TMEM272: variants seen among roughly 807,000 people sequenced by gnomAD.
The protein encoded by TMEM272 is transmembrane protein 272.
A neutral mutation model predicts 3.7 loss-of-function variants in TMEM272; 8 were observed. The ratio of observed to expected loss-of-function variants is 2.17; its 90% confidence interval spans 1.27 to 3.91. TMEM272 has a LOEUF of 3.91. Among genes scored for constraint, TMEM272 ranks in the 30% most tolerant of loss-of-function variants. The pLI is 0.00. For missense variants in TMEM272, 166 were observed against 91.5 expected (o/e 1.81, Z -3.32); for synonymous variants, 63 against 39.8 (o/e 1.58, Z -2.20).
intron 2 of TMEM272, among the ~76,000 whole-genome samples, chr13:51,835,021 A>T (rs553944798): frequency 4.6e-5 from 7 of 152,086 alleles, no homozygotes; most frequent in Admixed American, 3.3e-4. Flanking sequence ...GAGCTCCAGA[A>T]AGCTCCCCCA....
At chr13:51,851,397 G>GGAAGAAGAAGAAGAA in the TMEM272 span, among the ~76,000 whole-genome samples, 4 of 141,546 alleles carry the variant, frequency 2.8e-5, no homozygotes, top group African/African-American at 1.0e-4. Context: ...AGGAGGAGGA[G>GGAAGAAGAAGAAGAA]GAAGAAGAAG....
intron 2 of TMEM272, among the ~76,000 whole-genome samples, chr13:51,833,968 T>C (rs1956194070): frequency 6.6e-6 from 1 of 151,904 alleles, no homozygotes; most frequent in Admixed American, 6.6e-5. Flanking sequence ...GGTGGAACCT[T>C]GGGTTGGTGG....
chr13:51,890,428 G>C, the TMEM272 span, among the ~76,000 whole-genome samples: 683 of 152,082 alleles, frequency 4.5e-3, 4 homozygotes, highest in Non-Finnish European at 5.7e-3. Context: ...TTCCTCTCTT[G>C]CCATGTGATC....
intron 2 of TMEM272, among the ~76,000 whole-genome samples, chr13:51,833,263 G>A (rs1956187838): frequency 6.6e-6 from 1 of 152,196 alleles, no homozygotes; most frequent in South Asian, 2.1e-4. Context: ...AAACTAGATA[G>A]TCAGAAGAGA....
At chr13:51,833,375 A>G (rs1956188591) in intron 2 of TMEM272, among the ~76,000 whole-genome samples, 1 of 152,150 alleles carries the variant, frequency 6.6e-6, no homozygotes, top group African/African-American at 2.4e-5. Flanking sequence ...ATCATCAATA[A>G]TATCATCAAA....
At chr13:51,909,488 G>C in the TMEM272 span, 10 of 941,738 alleles carry the variant, frequency 1.1e-5, no homozygotes, top group South Asian at 1.2e-4. Context: ...ACTTTCTGTT[G>C]AAGTTTCTGA....
chr13:51,822,415 T>C (rs1956087662), intron 3 of TMEM272, among the ~76,000 whole-genome samples: 1 of 152,208 alleles, frequency 6.6e-6, no homozygotes, highest in Non-Finnish European at 1.5e-5. Context: ...TAACTGGCTA[T>C]GGGTTGCACT....
the TMEM272 span, among the ~76,000 whole-genome samples, chr13:51,872,172 GC>G: frequency 1.3e-5 from 2 of 152,162 alleles, no homozygotes; most frequent in African/African-American, 4.8e-5. Flanking sequence ...GGAGAAAGAA[GC>G]TTCTAAAAGA....
chr13:51,911,234 T>C, the TMEM272 span, among the ~76,000 whole-genome samples: 5 of 152,218 alleles, frequency 3.3e-5, no homozygotes, highest in African/African-American at 7.2e-5. Flanking sequence ...CATTACGTCA[T>C]TGAAGAGAGA....
At chr13:51,907,181 C>A in the TMEM272 span, among the ~76,000 whole-genome samples, 1 of 152,152 alleles carries the variant, frequency 6.6e-6, no homozygotes, top group Non-Finnish European at 1.5e-5. Flanking sequence ...CTGTCTTGAA[C>A]GGCCTTTGAC....
At position 51,816,888 on chromosome 13, in the gene TMEM272, C is replaced by A. The variant is rs1218378971; in HGVS notation, c.427G>T (p.Asp143Tyr). 1.4e-6 allele frequency: 1 copy of A among 702,944 alleles called. No individual in the cohort carries two copies. The highest frequency in any genetic ancestry group is 2.7e-5 in the East Asian group (1 of 37,282). 43.5% of individuals were successfully genotyped at this position (702,944 alleles called of 1,614,324 possible). The change falls in exon 5 of 5, where the codon GAC becomes TAC. Residue 143 changes from aspartate (D) to tyrosine (Y), a missense_variant. Physicochemically the swap from Asp to Tyr is radical, Grantham distance 160. Coordinates refer to ENST00000629372, the MANE Select transcript of TMEM272 (RefSeq NM_001351003.2). ...DFLPPFQQPQ[D>Y]YCDKTLYLFA... ...AGGTACAGGGTTTTGTCACAGTAGT[C>A]CTGAGGCTGCTGGAAAGGGGGAAGA...
the TMEM272 span, among the ~76,000 whole-genome samples, chr13:51,891,472 T>C: frequency 6.6e-6 from 1 of 152,220 alleles, no homozygotes; most frequent in Non-Finnish European, 1.5e-5. Flanking sequence ...CTAAGGAGTT[T>C]ACATGCATTT....
chr13:51,921,034 G>A, the TMEM272 span, among the ~76,000 whole-genome samples: 5 of 152,180 alleles, frequency 3.3e-5, no homozygotes, highest in East Asian at 1.9e-4. Flanking sequence ...GCTCTGCGAC[G>A]CCTGGTGGGA....
At chr13:51,844,831 T>A (rs1472177913) in intron 1 of TMEM272, among the ~76,000 whole-genome samples, 185 bp downstream of exon 1, 1 of 152,186 alleles carries the variant, frequency 6.6e-6, no homozygotes, top group African/African-American at 2.4e-5. Flanking sequence ...CCCATCTCCC[T>A]TAGACTCAGT....
the TMEM272 span, among the ~76,000 whole-genome samples, chr13:51,854,788 C>A: frequency 2.6e-5 from 4 of 152,162 alleles, no homozygotes; most frequent in Non-Finnish European, 5.9e-5. Flanking sequence ...CATAGGAAAT[C>A]AACAAATGTT....
the TMEM272 span, among the ~76,000 whole-genome samples, chr13:51,891,600 C>G: frequency 6.6e-6 from 1 of 152,220 alleles, no homozygotes; most frequent in Non-Finnish European, 1.5e-5. Context: ...CTATGCCCAA[C>G]TGAAGCACAG....
chr13:51,906,301 C>T, the TMEM272 span, among the ~76,000 whole-genome samples: 10 of 152,302 alleles, frequency 6.6e-5, no homozygotes, highest in East Asian at 1.9e-3. Flanking sequence ...TTCACTGAAA[C>T]AGGGCAGGCT....
the TMEM272 span, among the ~76,000 whole-genome samples, chr13:51,880,668 T>C: frequency 1.3e-5 from 2 of 152,224 alleles, no homozygotes; most frequent in African/African-American, 4.8e-5. Flanking sequence ...AGGAAAAATC[T>C]AGAAGTTGAA....
At chr13:51,831,679 G>A (rs1315763448) in intron 2 of TMEM272, among the ~76,000 whole-genome samples, 3 of 152,246 alleles carry the variant, frequency 2.0e-5, no homozygotes, top group African/African-American at 4.8e-5. Context: ...TGATCCCCCT[G>A]CCTCCTGGGG....
Sources: allele counts gnomAD v4.1 joint callset (sites outside exome capture counted in the v4.1 genomes callset), GRCh38; gene constraint gnomAD v4.1.1; transcripts MANE v1.5; gene names NCBI Gene and HGNC (gene_info 2026-07-23, HGNC 2026-07-21).